The following CCDC3 variants were observed in gnomAD, a reference collection of about 807,000 sequenced individuals.
CCDC3 encodes coiled-coil domain containing 3.
A neutral mutation model predicts 21.4 loss-of-function variants in CCDC3; 24 were observed. The ratio of observed to expected loss-of-function variants is 1.12; its 90% CI spans 0.81 to 1.58. The LOEUF is 1.58. CCDC3 is among the 40% of genes most tolerant of loss of function. CCDC3 has a pLI of 0.00. For synonymous variants in CCDC3, 186 were observed against 166.0 expected, an observed-to-expected ratio of 1.12 and a Z score of -0.93; for missense variants, 425 against 360.9, an observed-to-expected ratio of 1.18 and a Z score of -1.44.
At chr10:12,948,588 C>T (rs59691480) in intron 2 of CCDC3, among the ~76,000 whole-genome samples, 1 of 152,026 alleles carries the variant, frequency 6.6e-6, no homozygotes, top group African/African-American at 2.4e-5. Flanking sequence ...TTCTTCAACT[C>T]TAATGTGAGA....
chr10:12,913,811 C>A (rs11528649), intron 2 of CCDC3, among the ~76,000 whole-genome samples: 20,810 of 152,100 alleles, frequency 0.14, 1,817 homozygotes, highest in East Asian at 0.28. Flanking sequence ...GAATTTTGTC[C>A]AATGGTTTTT....
chr10:12,948,689 C>T (rs955226988), intron 2 of CCDC3, among the ~76,000 whole-genome samples: 3 of 145,034 alleles, frequency 2.1e-5, no homozygotes, highest in East Asian at 2.0e-4. Context: ...CAACTGAAGA[C>T]GAAAAGGGGT....
intron 2 of CCDC3, among the ~76,000 whole-genome samples, chr10:12,948,731 T>TTTTG: frequency 8.1e-6 from 1 of 124,188 alleles, no homozygotes; most frequent in Non-Finnish European, 1.7e-5. Context: ...TAAGGCAGTT[T>TTTTG]TTTTTTTTTT....
intron 5 of CCDC3, among the ~76,000 whole-genome samples, chr10:13,044,659 G>A (rs1252681193): frequency 6.6e-6 from 1 of 152,144 alleles, no homozygotes; most frequent in Admixed American, 6.5e-5. Context: ...GGCTGCAGGT[G>A]TGTGGCCTTA....
intron 5 of CCDC3, among the ~76,000 whole-genome samples, chr10:13,028,995 G>A (rs1169526860): frequency 6.6e-6 from 1 of 152,160 alleles, no homozygotes; most frequent in African/African-American, 2.4e-5. Flanking sequence ...TGAATGACCT[G>A]ACAGTGTGTG....
chr10:12,905,978 T>A (rs984766221), intron 2 of CCDC3, among the ~76,000 whole-genome samples: 2 of 152,204 alleles, frequency 1.3e-5, no homozygotes, highest in Non-Finnish European at 2.9e-5. Flanking sequence ...GGGAAGCCCA[T>A]GGGCCTTTAC....
intron 2 of CCDC3, among the ~76,000 whole-genome samples, chr10:12,987,608 A>G (rs1835615835): frequency 6.6e-6 from 1 of 152,198 alleles, no homozygotes; most frequent in South Asian, 2.1e-4. Context: ...TCTTGCATCT[A>G]TCGAGATGCA....
chr10:13,003,174 A>G (rs184992282), upstream of CCDC3, among the ~76,000 whole-genome samples: 81 of 152,336 alleles, frequency 5.3e-4, no homozygotes, highest in African/African-American at 1.8e-3. Context: ...TATTCCTGGC[A>G]GGCAGACTCA....
chr10:12,932,279 T>C (rs1276822756), intron 2 of CCDC3, among the ~76,000 whole-genome samples: 2 of 152,250 alleles, frequency 1.3e-5, no homozygotes, highest in Non-Finnish European at 2.9e-5. Context: ...AAGTAAAAAA[T>C]GCATTTAATA....
intron 4 of CCDC3, among the ~76,000 whole-genome samples, chr10:13,061,727 G>C (rs1836760159): frequency 6.6e-6 from 1 of 152,208 alleles, no homozygotes; most frequent in South Asian, 2.1e-4. Flanking sequence ...AATTGGTTGA[G>C]TTTGTCTAAA....
At chr10:12,987,834 G>A (rs1835621434) in intron 2 of CCDC3, among the ~76,000 whole-genome samples, 1 of 152,150 alleles carries the variant, frequency 6.6e-6, no homozygotes, top group African/African-American at 2.4e-5. Context: ...GAAGAACACA[G>A]GAGAGCGCCC....
intron 1 of CCDC3, among the ~76,000 whole-genome samples, chr10:13,000,967 G>A (rs1835840001): frequency 6.6e-6 from 1 of 152,228 alleles, no homozygotes; most frequent in Non-Finnish European, 1.5e-5. Flanking sequence ...ACAAGGCACA[G>A]AAACCTTCCC....
chr10:13,089,687 T>G (rs998549069), intron 3 of CCDC3, among the ~76,000 whole-genome samples: 9 of 152,058 alleles, frequency 5.9e-5, no homozygotes, highest in African/African-American at 1.7e-4. Context: ...AATTTTAATT[T>G]TTTTATTTCC....
At chr10:12,912,663 T>C (rs1352234205) in intron 2 of CCDC3, among the ~76,000 whole-genome samples, 1 of 152,218 alleles carries the variant, frequency 6.6e-6, no homozygotes, top group African/African-American at 2.4e-5. Context: ...TATGCTTTTG[T>C]GGCCATACCC....
intron 2 of CCDC3, among the ~76,000 whole-genome samples, chr10:12,913,354 G>C (rs56106509): frequency 0.25 from 38,368 of 152,076 alleles, 5,412 homozygotes; most frequent in Admixed American, 0.37. Context: ...TTGTAAATAG[G>C]ATTGTTTTAT....
At chr10:12,904,491 A>AAAAAAAAAAC (rs1834142218) in intron 2 of CCDC3, among the ~76,000 whole-genome samples, 2 of 149,846 alleles carry the variant, frequency 1.3e-5, no homozygotes, top group Admixed American at 6.7e-5. Flanking sequence ...AAAAAAAAAA[A>AAAAAAAAAAC]GACTGGCTCA....
chr10:12,902,057 C>T (rs904568920), intron 2 of CCDC3, among the ~76,000 whole-genome samples: 2 of 152,210 alleles, frequency 1.3e-5, no homozygotes, highest in Non-Finnish European at 2.9e-5. Context: ...TCACACCACA[C>T]GCCAAGTACC....
chr10:13,029,269 G>C (rs939218973), intron 5 of CCDC3, among the ~76,000 whole-genome samples: 1 of 152,186 alleles, frequency 6.6e-6, no homozygotes, highest in Non-Finnish European at 1.5e-5. Flanking sequence ...GCAGCTGACG[G>C]TCCTGACTGT....
chr10:12,926,701 C>G (rs1834546066), intron 2 of CCDC3, among the ~76,000 whole-genome samples: 1 of 152,072 alleles, frequency 6.6e-6, no homozygotes, highest in African/African-American at 2.4e-5. Context: ...TATACAGGCA[C>G]AAATAGGTTG....
Sources: gnomAD v4.1 joint callset for allele counts (sites outside exome capture counted in the v4.1 genomes callset) on GRCh38, gnomAD v4.1.1 for gene constraint, MANE v1.5 for transcripts, NCBI Gene and HGNC (gene_info 2026-07-23, HGNC 2026-07-21) for gene names.